The following GABRB3 variants were observed in gnomAD, a reference collection of about 807,000 sequenced individuals.
GABRB3 encodes the protein gamma-aminobutyric acid type A receptor subunit beta3.
In GABRB3, 14 loss-of-function variants were observed where a neutral mutation model predicts 52.1. That is an observed-to-expected ratio of 0.27 (90% CI 0.18 to 0.42). The LOEUF is 0.42. Among genes scored for constraint, GABRB3 ranks in the 10% least tolerant of loss-of-function variants. The pLI is 1.00. For missense variants in GABRB3, 307 were observed against 609.1 expected, an observed-to-expected ratio of 0.50 and a Z score of 5.22; for synonymous variants, 260 against 232.3, an observed-to-expected ratio of 1.12 and a Z score of -1.08.
chr15:26,645,754 T>C (rs1893330608), intron 3 of GABRB3, among the ~76,000 whole-genome samples: 1 of 152,106 alleles, frequency 6.6e-6, no homozygotes, highest in African/African-American at 2.4e-5. Context: ...ACTAGGGTTT[T>C]TAATGACCAC....
chr15:26,554,207 A>ATTTATTTATTTATT (rs1555400879), intron 8 of GABRB3, among the ~76,000 whole-genome samples: 1 of 57,808 alleles, frequency 1.7e-5, no homozygotes, highest in African/African-American at 4.7e-5. Flanking sequence ...ATATATATAT[A>ATTTATTTATTTATT]TAGTAGAAAC....
chr15:26,584,894 T>A (rs761527557), intron 4 of GABRB3, among the ~76,000 whole-genome samples: 1 of 152,202 alleles, frequency 6.6e-6, no homozygotes, highest in African/African-American at 2.4e-5. Flanking sequence ...ATACATGACA[T>A]GGCCTGAGTT....
chr15:26,629,293 G>T, intron 3 of GABRB3: 1 of 867,510 alleles, frequency 1.2e-6, no homozygotes, highest in Non-Finnish European at 1.6e-6. Context: ...GAGGGGCGTG[G>T]CCCGTAGCGG....
rs1890709686 is a variant in GABRB3 at position 26,758,047 on chromosome 15, G to A, written c.240+14355C>T. 2.0e-5 allele frequency among the ~76,000 whole-genome samples: 3 copies of A among 151,238 alleles called. 1 individual carries two copies. The South Asian group carries it at 6.3e-4, about 32-fold the overall frequency. ...ATTTCAGGGTTTTGTTCTGATTGTT[G>A]TTGTTTTCACAGTTTCCTTTATAAT... On this transcript the variant is annotated intron_variant, in intron 3 of 8. Transcript: ENST00000311550.
intron 3 of GABRB3, among the ~76,000 whole-genome samples, chr15:26,689,979 A>C (rs2140662733): frequency 6.6e-6 from 1 of 152,262 alleles, no homozygotes; most frequent in African/African-American, 2.4e-5. Flanking sequence ...TGGAGGGCTT[A>C]GAATTTCATT....
intron 3 of GABRB3, among the ~76,000 whole-genome samples, chr15:26,655,875 A>AG (rs1887357576): frequency 6.6e-6 from 1 of 152,026 alleles, no homozygotes; most frequent in Admixed American, 6.5e-5. Flanking sequence ...AAAGCTCATT[A>AG]TTGTTTTCAT....
At chr15:26,682,965 G>A (rs145074094) in intron 3 of GABRB3, among the ~76,000 whole-genome samples, 5 of 152,318 alleles carry the variant, frequency 3.3e-5, no homozygotes, top group Admixed American at 6.5e-5. Flanking sequence ...CTGAATGGCT[G>A]TTGGCCACTA....
chr15:26,656,020 C>T (rs1887361992), intron 3 of GABRB3, among the ~76,000 whole-genome samples: 1 of 152,072 alleles, frequency 6.6e-6, no homozygotes, highest in Non-Finnish European at 1.5e-5. Context: ...AGTTAGTTTT[C>T]CTTTCTGTTA....
intron 6 of GABRB3, among the ~76,000 whole-genome samples, chr15:26,571,635 C>T (rs920032865): frequency 5.3e-5 from 8 of 152,180 alleles, no homozygotes; most frequent in East Asian, 1.9e-4. Context: ...AACACTTGGA[C>T]GATCATTAGG....
At chr15:26,554,176 G>GAGTGTATATATATATATA (rs71420007) in intron 8 of GABRB3, among the ~76,000 whole-genome samples, 24 of 27,332 alleles carry the variant, frequency 8.8e-4, no homozygotes, top group African/African-American at 2.7e-3. Flanking sequence ...TATATATAAA[G>GAGTGTATATATATATATA]TATATATATA....
At chr15:26,606,617 C>T (rs976885662) in intron 4 of GABRB3, among the ~76,000 whole-genome samples, 12 of 152,032 alleles carry the variant, frequency 7.9e-5, no homozygotes, top group Non-Finnish European at 1.8e-4. Flanking sequence ...ACTTTTACCA[C>T]TTTAATTCAA....
At chr15:26,773,494 C>T (rs1290974439), upstream of GABRB3, 1 of 476,924 alleles carries the variant, frequency 2.1e-6, no homozygotes, top group Admixed American at 4.5e-5. Flanking sequence ...CGCTGCCCGC[C>T]TACCCCGGCC....
intron 4 of GABRB3, among the ~76,000 whole-genome samples, chr15:26,602,060 G>C (rs910676373): frequency 6.6e-6 from 1 of 152,090 alleles, no homozygotes; most frequent in Non-Finnish European, 1.5e-5. Context: ...TGAAGGAATG[G>C]AAGAAGATAC....
chr15:26,658,071 A>T (rs1887428914), intron 3 of GABRB3, among the ~76,000 whole-genome samples: 1 of 152,086 alleles, frequency 6.6e-6, no homozygotes, highest in Non-Finnish European at 1.5e-5. Context: ...CCTAAAACTG[A>T]TGTTTGTGGT....
intron 3 of GABRB3, chr15:26,624,148 A>G (rs1385639521): frequency 1.0e-6 from 1 of 955,894 alleles, no homozygotes; most frequent in East Asian, 1.2e-4. Flanking sequence ...GGGCTGATGC[A>G]GAACATCAGG....
intron 6 of GABRB3, among the ~76,000 whole-genome samples, chr15:26,575,931 C>G (rs1456407704): frequency 6.6e-6 from 1 of 152,200 alleles, no homozygotes; most frequent in Non-Finnish European, 1.5e-5. Context: ...CATCTGTTCT[C>G]CACATATCTT....
At chr15:26,676,543 A>G (rs189683817) in intron 3 of GABRB3, among the ~76,000 whole-genome samples, 91 of 152,332 alleles carry the variant, frequency 6.0e-4, no homozygotes, top group African/African-American at 2.2e-3. Context: ...CCATTTCTTT[A>G]TAAGTGTTCA....
chr15:26,744,996 CG>C (rs1161304005), intron 3 of GABRB3, among the ~76,000 whole-genome samples: 2 of 152,118 alleles, frequency 1.3e-5, no homozygotes, highest in African/African-American at 4.8e-5. Context: ...AGAGAGGCCT[CG>C]GGGAACTTTT....
At chr15:26,748,433 T>C (rs1890409298) in intron 3 of GABRB3, among the ~76,000 whole-genome samples, 1 of 152,186 alleles carries the variant, frequency 6.6e-6, no homozygotes, top group African/African-American at 2.4e-5. Context: ...TCATCTTGGG[T>C]ACATTTTAGT....
Sources: allele counts gnomAD v4.1 joint callset (sites outside exome capture counted in the v4.1 genomes callset), GRCh38; gene constraint gnomAD v4.1.1; transcripts MANE v1.5; gene names NCBI Gene and HGNC (gene_info 2026-07-23, HGNC 2026-07-21).